The following CDK5RAP2 variants were observed in gnomAD, a reference collection of about 807,000 sequenced individuals.
The protein encoded by CDK5RAP2 is CDK5 regulatory subunit associated protein 2, also known as CDK5 regulatory subunit-associated protein 2.
A neutral mutation model predicts 232.9 loss-of-function variants in CDK5RAP2; 147 were observed. The ratio of observed to expected loss-of-function variants is 0.63; its 90% CI spans 0.55 to 0.72. The LOEUF is 0.72. CDK5RAP2 is among the 30% of genes least tolerant of loss of function. The pLI, the probability that CDK5RAP2 is intolerant of heterozygous loss-of-function variation, is 0.00. For synonymous variants in CDK5RAP2, 833 were observed against 833.7 expected (o/e 1.00, Z 0.01); for missense variants, 2,195 against 2,231.5 (o/e 0.98, Z 0.33).
intron 3 of CDK5RAP2, among the ~76,000 whole-genome samples, chr9:120,556,636 C>A (rs938164135): frequency 6.6e-6 from 1 of 151,984 alleles, no homozygotes; most frequent in African/African-American, 2.4e-5. Context: ...ACCATGTTGG[C>A]CAGGCTGGTC....
At chr9:120,435,379 G>A (rs960238200) in intron 25 of CDK5RAP2, among the ~76,000 whole-genome samples, 6 of 152,074 alleles carry the variant, frequency 3.9e-5, no homozygotes, top group Admixed American at 1.3e-4. Context: ...ATGTGGAAGC[G>A]GGAAAAACAG....
chr9:120,502,719 G>A (rs1390807728), intron 12 of CDK5RAP2, among the ~76,000 whole-genome samples: 6 of 152,278 alleles, frequency 3.9e-5, no homozygotes, highest in Non-Finnish European at 7.4e-5. Context: ...AAGGTCCATT[G>A]ACTGGGCCAG....
At chr9:120,474,389 A>G (rs2037889924) in intron 15 of CDK5RAP2, among the ~76,000 whole-genome samples, 1 of 152,174 alleles carries the variant, frequency 6.6e-6, no homozygotes. Flanking sequence ...TTTGGTTGTT[A>G]CAACTGCCAT....
At chr9:120,510,204 T>C (rs116077677) in intron 12 of CDK5RAP2, among the ~76,000 whole-genome samples, 2,317 of 152,256 alleles carry the variant, frequency 0.015, 58 homozygotes, top group African/African-American at 0.052. Flanking sequence ...TACCCTGAAA[T>C]TAAACCCACT....
At chr9:120,563,429 T>A (rs2042531522) in intron 3 of CDK5RAP2, among the ~76,000 whole-genome samples, 1 of 152,160 alleles carries the variant, frequency 6.6e-6, no homozygotes. Flanking sequence ...GTACAGAAAC[T>A]GAACACTGAT....
At chr9:120,417,870 A>G (rs2034328270) in intron 27 of CDK5RAP2, among the ~76,000 whole-genome samples, 1 of 152,236 alleles carries the variant, frequency 6.6e-6, no homozygotes, top group South Asian at 2.1e-4. Context: ...CAAATAAGGG[A>G]AAAGCTTCAC....
intron 5 of CDK5RAP2, among the ~76,000 whole-genome samples, chr9:120,541,111 G>A (rs2041614271): frequency 6.6e-6 from 1 of 152,176 alleles, no homozygotes. Context: ...CTTGGCTACA[G>A]GATTTCTCCA....
At position 120,473,490 on chromosome 9, in the gene CDK5RAP2, A is replaced by G. The variant is rs114790120; in HGVS notation, c.1728-1612T>C. ...CAAAGAAGCCCCGCTTCTCCTTCAG[A>G]GACTTCCAGCTCCATCCATCGGACT... On this transcript the variant is annotated intron_variant, in intron 15 of 37. Coordinates refer to ENST00000349780, the MANE Select transcript of CDK5RAP2 (RefSeq NM_018249.6). Among the ~76,000 whole-genome samples the G allele has an allele frequency of 6.6e-3, 1,000 of 152,348 alleles. 17 individuals are homozygous for G. Among genetic ancestry groups the G allele is most frequent in the African/African-American group, 0.023 (954 of 41,576 alleles).
At chr9:120,394,423 G>T in intron 36 of CDK5RAP2, 89 bp downstream of exon 36, 2 of 1,603,352 alleles carry the variant, frequency 1.2e-6, no homozygotes, top group Non-Finnish European at 1.7e-6. Context: ...AAACCATCTG[G>T]GCTCCAAAGT....
intron 4 of CDK5RAP2, among the ~76,000 whole-genome samples, chr9:120,546,197 T>C (rs2041835456): frequency 1.3e-5 from 2 of 152,090 alleles, no homozygotes; most frequent in Admixed American, 1.3e-4. Flanking sequence ...ATGCATGTGG[T>C]GGATGCAGCA....
At position 120,447,701 on chromosome 9, in the gene CDK5RAP2, A is replaced by C. The variant is rs145469194; in HGVS notation, c.3025+194T>G. 1.6e-4 allele frequency among the ~76,000 whole-genome samples: 25 copies of C among 152,342 alleles called. No homozygotes were observed. The Middle Eastern group carries it at 0.014, about 83-fold the overall frequency. ...CCCTTTATCCAGACTCCAGAATAAA[A>C]TGAAAGCAATAGATTCATTCTCCTT... On this transcript the variant is annotated intron_variant, in intron 22 of 37. Transcript: ENST00000349780.
chr9:120,540,710 A>G (rs991417191), intron 5 of CDK5RAP2, among the ~76,000 whole-genome samples: 3 of 152,186 alleles, frequency 2.0e-5, no homozygotes, highest in African/African-American at 7.2e-5. Flanking sequence ...TCAGTAAATT[A>G]CCTCTCACAC....
chr9:120,449,205 C>T (rs1180698516), intron 21 of CDK5RAP2, among the ~76,000 whole-genome samples: 1 of 152,164 alleles, frequency 6.6e-6, no homozygotes, highest in Admixed American at 6.5e-5. Context: ...ATGCCGACTC[C>T]TTTGCCCAGA....
chr9:120,560,709 C>T (rs1463056993), intron 3 of CDK5RAP2, among the ~76,000 whole-genome samples: 4 of 152,158 alleles, frequency 2.6e-5, no homozygotes, highest in African/African-American at 7.2e-5. Context: ...CTCCGCCTTC[C>T]GGGCTCAAGC....
chr9:120,404,163 C>A, intron 32 of CDK5RAP2, 50 bp from the exon 33 acceptor site: 1 of 1,150,648 alleles, frequency 8.7e-7, no homozygotes, highest in Non-Finnish European at 1.3e-6. Context: ...TGTCAGCATT[C>A]AAGAGAGAAC....
chr9:120,528,618 G>T, intron 9 of CDK5RAP2, 126 bp downstream of exon 9: 2 of 719,548 alleles, frequency 2.8e-6, no homozygotes, highest in Non-Finnish European at 2.6e-6. Context: ...ATGCTTGACT[G>T]GCATACAGTA....
chr9:120,544,475 TGGA>T (rs750996525), intron 5 of CDK5RAP2, among the ~76,000 whole-genome samples: 19 of 152,238 alleles, frequency 1.2e-4, no homozygotes, highest in Non-Finnish European at 2.6e-4. Context: ...CAGCATAACC[TGGA>T]GAAGAAGCCT....
At chr9:120,426,449 C>T (rs553888431) in intron 25 of CDK5RAP2, among the ~76,000 whole-genome samples, 12 of 152,318 alleles carry the variant, frequency 7.9e-5, no homozygotes, top group African/African-American at 2.9e-4. Flanking sequence ...TTGGTGGATT[C>T]AAACATTTTT....
chr9:120,441,393 T>G (rs1433603909), intron 23 of CDK5RAP2, among the ~76,000 whole-genome samples: 9 of 152,214 alleles, frequency 5.9e-5, no homozygotes, highest in Admixed American at 5.9e-4. Flanking sequence ...TGTGTTTGTT[T>G]TTAGGGATTA....
Sources: gnomAD v4.1 joint callset for allele counts (sites outside exome capture counted in the v4.1 genomes callset) on GRCh38, gnomAD v4.1.1 for gene constraint, MANE v1.5 for transcripts, NCBI Gene and HGNC (gene_info 2026-07-23, HGNC 2026-07-21) for gene names.